The following SCAPER variants were observed in gnomAD, a reference collection of about 807,000 sequenced individuals.
SCAPER encodes the protein S phase cyclin A-associated protein in the endoplasmic reticulum.
A neutral mutation model predicts 182.2 loss-of-function variants in SCAPER; 98 were observed. The ratio of observed to expected loss-of-function variants is 0.54; its 90% CI spans 0.46 to 0.64. The LOEUF (loss-of-function observed/expected upper bound fraction) is 0.64. SCAPER is among the 30% of genes least tolerant of loss of function. The pLI is 0.00. For missense variants in SCAPER, 1,432 were observed against 1,690.0 expected, an observed-to-expected ratio of 0.85 and a Z score of 2.68; for synonymous variants, 605 against 564.6, an observed-to-expected ratio of 1.07 and a Z score of -1.01.
chr15:76,702,364 T>G (rs761656341), intron 19 of SCAPER, among the ~76,000 whole-genome samples: 2 of 152,210 alleles, frequency 1.3e-5, no homozygotes, highest in Admixed American at 6.5e-5. Flanking sequence ...GCACTTTTAC[T>G]GCTATTCCAA....
chr15:76,435,286 A>T (rs2047127149), intron 25 of SCAPER, among the ~76,000 whole-genome samples: 1 of 152,216 alleles, frequency 6.6e-6, no homozygotes, highest in Admixed American at 6.5e-5. Context: ...TTCTATTATG[A>T]CTATGCAAAT....
chr15:76,725,483 A>G (rs1408570194), intron 17 of SCAPER, among the ~76,000 whole-genome samples: 1 of 151,968 alleles, frequency 6.6e-6, no homozygotes, highest in Non-Finnish European at 1.5e-5. Context: ...CAAAATCCCA[A>G]TGACTTCTTT....
chr15:76,440,204 G>A (rs1247051108), intron 25 of SCAPER, among the ~76,000 whole-genome samples: 2 of 152,208 alleles, frequency 1.3e-5, no homozygotes, highest in African/African-American at 4.8e-5. Context: ...GGCTGGAATA[G>A]ATACTGGTGC....
intron 21 of SCAPER, among the ~76,000 whole-genome samples, chr15:76,660,493 T>C (rs1385287465): frequency 1.3e-5 from 2 of 152,208 alleles, no homozygotes; most frequent in African/African-American, 4.8e-5. Flanking sequence ...AGGCAGTATT[T>C]ACAATAGCAA....
At chr15:76,355,820 A>G (rs953676928) in intron 29 of SCAPER, among the ~76,000 whole-genome samples, 1 of 152,244 alleles carries the variant, frequency 6.6e-6, no homozygotes, top group Non-Finnish European at 1.5e-5. Context: ...CTCAAGGAAC[A>G]GAGCTAGTTA....
At chr15:76,719,420 G>C (rs1298618510) in intron 17 of SCAPER, among the ~76,000 whole-genome samples, 2 of 152,110 alleles carry the variant, frequency 1.3e-5, no homozygotes, top group South Asian at 4.1e-4. Context: ...AGGAGACGTA[G>C]ATCAGAGGAT....
At position 76,381,435 on chromosome 15, in the gene SCAPER, G is replaced by A. The variant is rs1218345826; in HGVS notation, c.3648C>T (p.Ala1216=). The A allele has an allele frequency of 6.2e-7, 1 of 1,613,808 alleles. No individual in the cohort carries two copies. Among genetic ancestry groups the A allele is most frequent in the Non-Finnish European group, 8.5e-7 (1 of 1,179,866 alleles). Residue 1216 remains alanine (A), a synonymous_variant, in exon 28 of 32, where the codon GCC becomes GCT. Transcript: ENST00000563290. ...TGTTGAAGAAACGTAAACTCTGAATGGCCACTTGGATGGTATTTTGAGTGT... is the reference window on the plus strand; with the variant it reads ...TGTTGAAGAAACGTAAACTCTGAATAGCCACTTGGATGGTATTTTGAGTGT... ...ENYTQNTIQV[A]IQSLRFFNSF...
At chr15:76,772,089 T>G in intron 9 of SCAPER, 135 bp from the exon 10 acceptor site, 1 of 664,444 alleles carries the variant, frequency 1.5e-6, no homozygotes, top group Non-Finnish European at 2.5e-6. Context: ...GAAAATTTAC[T>G]CATCTTTTTT....
chr15:76,748,282 G>A (rs1405478801), intron 15 of SCAPER, among the ~76,000 whole-genome samples: 3 of 152,026 alleles, frequency 2.0e-5, no homozygotes, highest in African/African-American at 4.8e-5. Flanking sequence ...GAGCCACCGC[G>A]CCTGGCCGAA....
At chr15:76,678,797 C>T (rs2057518569) in intron 20 of SCAPER, among the ~76,000 whole-genome samples, 3 of 152,020 alleles carry the variant, frequency 2.0e-5, no homozygotes, top group Admixed American at 2.0e-4. Context: ...ATATAGCATC[C>T]CCATAGATAC....
At chr15:76,547,035 C>T (rs540890353) in intron 23 of SCAPER, among the ~76,000 whole-genome samples, 98 of 152,250 alleles carry the variant, frequency 6.4e-4, no homozygotes, top group African/African-American at 2.3e-3. Context: ...TCACCACATT[C>T]AACTACAAAA....
chr15:76,615,580 G>A (rs1200212990), intron 22 of SCAPER, among the ~76,000 whole-genome samples: 8 of 148,396 alleles, frequency 5.4e-5, no homozygotes, highest in Non-Finnish European at 1.0e-4. Flanking sequence ...CAGCACTTTG[G>A]GACACCGAGG....
intron 10 of SCAPER, among the ~76,000 whole-genome samples, chr15:76,770,063 A>G (rs1360497220): frequency 2.0e-5 from 3 of 152,136 alleles, no homozygotes; most frequent in Admixed American, 2.0e-4. Flanking sequence ...AGGGACATGG[A>G]TGAAGCTGGA....
rs562822199 is a variant in SCAPER at position 76,530,482 on chromosome 15, G to A, written c.2839-25508C>T. ...AATTATCTAAATGTGGTCTGAGAACGAGAAAAATTTAAAGGCATCATGTAC... is the reference window on the plus strand; with the variant it reads ...AATTATCTAAATGTGGTCTGAGAACAAGAAAAATTTAAAGGCATCATGTAC... On this transcript the variant is annotated intron_variant, in intron 23 of 31. Coordinates refer to ENST00000563290, the MANE Select transcript of SCAPER (RefSeq NM_020843.4). Among the ~76,000 whole-genome samples, 46 of 152,186 alleles carry A rather than the reference G, an allele frequency of 3.0e-4. 1 individual carries two copies. The highest frequency in any genetic ancestry group is 2.2e-3 in the Admixed American group (34 of 15,270).
intron 1 of SCAPER, among the ~76,000 whole-genome samples, chr15:76,902,638 A>T (rs962263837): frequency 2.6e-5 from 4 of 152,242 alleles, no homozygotes; most frequent in Non-Finnish European, 2.9e-5. Context: ...GTACCCTTAC[A>T]GAGAATTCTA....
chr15:76,360,310 T>A (rs1310833841), intron 29 of SCAPER, among the ~76,000 whole-genome samples: 1 of 152,208 alleles, frequency 6.6e-6, no homozygotes, highest in Non-Finnish European at 1.5e-5. Context: ...ACCTACATTA[T>A]CCAAGTCTCT....
chr15:76,506,259 T>C (rs777553238), intron 23 of SCAPER, among the ~76,000 whole-genome samples: 6 of 152,232 alleles, frequency 3.9e-5, no homozygotes, highest in East Asian at 3.9e-4. Context: ...TAAAAGAATA[T>C]AGTTGGATTG....
chr15:76,479,739 T>C (rs2050949586), intron 24 of SCAPER, among the ~76,000 whole-genome samples: 1 of 152,174 alleles, frequency 6.6e-6, no homozygotes, highest in Non-Finnish European at 1.5e-5. Flanking sequence ...GTACATAGTT[T>C]ATATTCTTGT....
intron 2 of SCAPER, among the ~76,000 whole-genome samples, chr15:76,882,866 G>A (rs1035154109): frequency 2.0e-4 from 31 of 152,062 alleles, no homozygotes; most frequent in African/African-American, 5.3e-4. Flanking sequence ...GGGTTTCACC[G>A]TGTTAGCCAG....
Sources: gnomAD v4.1 joint callset for allele counts (sites outside exome capture counted in the v4.1 genomes callset) on GRCh38, gnomAD v4.1.1 for gene constraint, MANE v1.5 for transcripts, NCBI Gene and HGNC (gene_info 2026-07-23, HGNC 2026-07-21) for gene names.